The following KANK1 variants were observed in gnomAD, a reference collection of about 807,000 sequenced individuals.
KANK1 encodes KN motif and ankyrin repeat domain-containing protein 1.
KANK1 carries 109 observed loss-of-function variants against 106.2 expected under a neutral mutation model. That is an observed-to-expected ratio of 1.03 (90% CI 0.88 to 1.20). KANK1 has a LOEUF of 1.20. KANK1 is among the 50% of genes most tolerant of loss of function. KANK1 has a pLI of 0.00. For synonymous variants in KANK1, 873 were observed against 652.2 expected, an observed-to-expected ratio of 1.34 and a Z score of -5.16; for missense variants, 2,399 against 1,710.7, an observed-to-expected ratio of 1.40 and a Z score of -7.10.
At chr9:577,339 C>G (rs1380822058) in intron 1 of KANK1, among the ~76,000 whole-genome samples, 4 of 151,956 alleles carry the variant, frequency 2.6e-5, no homozygotes, top group African/African-American at 9.7e-5. Flanking sequence ...TTACAGAGTG[C>G]TGATTGGTGC....
intron 2 of KANK1, chr9:684,240 C>G: frequency 2.0e-6 from 2 of 985,240 alleles, no homozygotes; most frequent in South Asian, 9.4e-5. Context: ...GATTAGCTCT[C>G]CAGCTAAGCC....
intron 1 of KANK1, among the ~76,000 whole-genome samples, chr9:512,725 G>C (rs887789561): frequency 1.3e-5 from 2 of 152,060 alleles, no homozygotes; most frequent in African/African-American, 4.8e-5. Flanking sequence ...CACTTGATGG[G>C]AGTGTCAAAG....
intron 1 of KANK1, among the ~76,000 whole-genome samples, chr9:613,809 T>C (rs1831145547): frequency 7.3e-6 from 1 of 136,466 alleles, no homozygotes; most frequent in Admixed American, 7.1e-5. Context: ...AAAAAGACTG[T>C]ATTCACTAGA....
intron 1 of KANK1, among the ~76,000 whole-genome samples, chr9:645,320 A>G (rs142355831): frequency 6.8e-6 from 1 of 146,688 alleles, no homozygotes; most frequent in Non-Finnish European, 1.5e-5. Flanking sequence ...GACATCTGTA[A>G]TCCCAGCTAC....
chr9:607,382 C>G (rs2804308), intron 1 of KANK1, among the ~76,000 whole-genome samples: 113,077 of 150,230 alleles, frequency 0.75, 43,131 homozygotes, highest in Non-Finnish European at 0.8. Context: ...CTATTTGGGA[C>G]GGTGAGGCAG....
At chr9:661,621 A>G (rs1843332980) in intron 1 of KANK1, among the ~76,000 whole-genome samples, 1 of 152,026 alleles carries the variant, frequency 6.6e-6, no homozygotes, top group Admixed American at 6.5e-5. Flanking sequence ...ATGATTTATA[A>G]TCCTTTGGGT....
At chr9:619,726 C>T (rs1423883827) in intron 1 of KANK1, among the ~76,000 whole-genome samples, 3 of 152,098 alleles carry the variant, frequency 2.0e-5, no homozygotes, top group East Asian at 3.8e-4. Flanking sequence ...GCAATACATT[C>T]CTATATTAAG....
At chr9:735,789 T>G (rs921131422) in intron 7 of KANK1, 2 of 400,646 alleles carry the variant, frequency 5.0e-6, no homozygotes, top group Non-Finnish European at 1.0e-5. Context: ...AGGTCTGGAG[T>G]TCGAGACGAG....
intron 1 of KANK1, among the ~76,000 whole-genome samples, chr9:614,015 A>G (rs921823220): frequency 8.5e-5 from 13 of 152,142 alleles, no homozygotes; most frequent in African/African-American, 2.4e-4. Context: ...ATAGCGCTCC[A>G]AGCATCTCTG....
intron 1 of KANK1, among the ~76,000 whole-genome samples, chr9:512,872 T>A (rs965960449): frequency 3.3e-5 from 5 of 152,224 alleles, no homozygotes; most frequent in African/African-American, 1.2e-4. Flanking sequence ...GCCTCCTGGT[T>A]TTTATTAGAT....
At chr9:609,456 C>T (rs1247914499) in intron 1 of KANK1, among the ~76,000 whole-genome samples, 5 of 152,016 alleles carry the variant, frequency 3.3e-5, no homozygotes, top group African/African-American at 1.2e-4. Context: ...GGTGAAACCC[C>T]ATCTCTACTA....
chr9:534,750 T>C (rs1385631903), intron 1 of KANK1, among the ~76,000 whole-genome samples: 3 of 152,244 alleles, frequency 2.0e-5, no homozygotes, highest in Non-Finnish European at 4.4e-5. Flanking sequence ...CTTCCTCTGA[T>C]GGCTTCTCCC....
intron 7 of KANK1, 103 bp from the exon 8 acceptor site, chr9:738,182 A>G: frequency 1.1e-6 from 1 of 907,084 alleles, no homozygotes; most frequent in Non-Finnish European, 1.7e-6. Flanking sequence ...TTCTAACTGC[A>G]TATATATACT....
At chr9:522,831 C>G (rs979367321) in intron 1 of KANK1, among the ~76,000 whole-genome samples, 6 of 151,700 alleles carry the variant, frequency 4.0e-5, no homozygotes, top group Non-Finnish European at 7.4e-5. Flanking sequence ...GTTTTCACTT[C>G]ATTACTCCTC....
chr9:546,797 G>A (rs555648175), intron 1 of KANK1, among the ~76,000 whole-genome samples: 3 of 151,796 alleles, frequency 2.0e-5, no homozygotes, highest in African/African-American at 4.8e-5. Context: ...AACCAAGTAC[G>A]GGCTAATCTA....
Position 729,340 on chromosome 9 carries a change from A to G in KANK1, c.2699-711A>G, listed in dbSNP as rs1033647363. On this transcript the variant is annotated intron_variant, in intron 3 of 11. Coordinates refer to ENST00000382297, the MANE Select transcript of KANK1 (RefSeq NM_015158.5). ...GAAGGTACAAAAGATGGGCTGTGAG[A>G]GTTCAGGGCAAGAACATTGTTAGTG... is the stretch of plus-strand genomic sequence containing the variant. Among the ~76,000 whole-genome samples the G allele has an allele frequency of 3.3e-5, 5 of 152,202 alleles. No individual in the cohort carries two copies. In the South Asian group the frequency reaches 1.0e-3, roughly 31 times the overall value.
At chr9:548,673 A>G (rs2061085538) in intron 1 of KANK1, among the ~76,000 whole-genome samples, 1 of 152,240 alleles carries the variant, frequency 6.6e-6, no homozygotes, top group Admixed American at 6.5e-5. Flanking sequence ...AAAAAATGAA[A>G]GGATATACTA....
intron 1 of KANK1, among the ~76,000 whole-genome samples, chr9:518,370 C>T (rs1587442984): frequency 1.3e-5 from 2 of 151,536 alleles, no homozygotes; most frequent in Non-Finnish European, 2.9e-5. Context: ...TCATCCCGAG[C>T]CTCCCCTTCT....
At chr9:736,567 C>A (rs1041688379) in intron 7 of KANK1, among the ~76,000 whole-genome samples, 1 of 151,964 alleles carries the variant, frequency 6.6e-6, no homozygotes, top group Non-Finnish European at 1.5e-5. Context: ...GGTATGATGG[C>A]ATGTACCCAT....
Sources: gnomAD v4.1 joint callset for allele counts (sites outside exome capture counted in the v4.1 genomes callset) on GRCh38, gnomAD v4.1.1 for gene constraint, MANE v1.5 for transcripts, NCBI Gene and HGNC (gene_info 2026-07-23, HGNC 2026-07-21) for gene names.